The following CASZ1 variants were observed in gnomAD, a reference collection of about 807,000 sequenced individuals.
CASZ1 encodes zinc finger protein castor homolog 1.
In CASZ1, 28 loss-of-function variants were observed where a neutral mutation model predicts 135.2. The observed-to-expected ratio is 0.21, with a 90% confidence interval of 0.15 to 0.28. The LOEUF (loss-of-function observed/expected upper bound fraction) is 0.28. Among genes scored for constraint, CASZ1 ranks in the 10% least tolerant of loss-of-function variants. The pLI, the probability that CASZ1 is intolerant of heterozygous loss-of-function variation, is 1.00. For missense variants in CASZ1, 2,161 were observed against 2,453.3 expected (o/e 0.88, Z 2.52); for synonymous variants, 1,068 against 1,073.4 (o/e 0.99, Z 0.10).
chr1:10,781,913 T>C (rs1359458536), intron 1 of CASZ1, among the ~76,000 whole-genome samples: 5 of 152,152 alleles, frequency 3.3e-5, no homozygotes. Context: ...GACTAGGGAT[T>C]TGAGCCGAGG....
In CASZ1 at chr1:10,639,008, C is replaced by T; in HGVS notation, c.5214G>A (p.Pro1738=). The change falls in exon 21 of 21, where the codon CCG becomes CCA. Residue 1738 remains proline (P), a synonymous_variant. Coordinates refer to ENST00000377022, the MANE Select transcript of CASZ1 (RefSeq NM_001079843.3). This position sits in a 1 kb window ranked among gnomAD's most constrained non-coding sequence, Gnocchi z 4.0. ...CCAGGGCCGCCAGCGCCGCCAAGGC[C>T]GGGGTCCGCGCGCCCGCGCCCGCCG... The part of the protein sequence containing the change: ...AEAAGAGART[P]ALAALAALGA... The T allele has an allele frequency of 1.0e-6, 1 of 990,186 alleles. No individual in the cohort carries two copies. Among genetic ancestry groups the T allele is most frequent in the Non-Finnish European group, 1.2e-6 (1 of 833,326 alleles). 61.3% of individuals were successfully genotyped at this position (990,186 alleles called of 1,614,324 possible). A position where few individuals can be genotyped will look rare whatever the true frequency, so the allele number is the denominator to read the frequency against.
At chr1:10,642,598 C>T (rs898899227) in intron 20 of CASZ1, among the ~76,000 whole-genome samples, 1 of 152,024 alleles carries the variant, frequency 6.6e-6, no homozygotes, top group African/African-American at 2.4e-5. Context: ...GCTGGGGCTG[C>T]GCTGCTCCCG....
rs959220874 is a variant in CASZ1, at chr1:10,676,218, A to C, written c.17-10647T>G. 1.3e-5 allele frequency among the ~76,000 whole-genome samples: 2 copies of C among 152,044 alleles called. No homozygotes were observed. The highest frequency in any genetic ancestry group is 2.4e-5 in the African/African-American group (1 of 41,404). ...AACCCATGCCAACCAAGTGACAGACACCAAGGCCCTGCTGGACTGGCCCGG... is the reference window on the plus strand; with the variant it reads ...AACCCATGCCAACCAAGTGACAGACCCCAAGGCCCTGCTGGACTGGCCCGG... On this transcript the variant is annotated intron_variant, in intron 4 of 20. Transcript: ENST00000377022. The surrounding 1 kb of genome is among the most constrained non-coding windows in gnomAD (Gnocchi z 4.5).
At chr1:10,654,903 G>C (rs987469725) in intron 9 of CASZ1, among the ~76,000 whole-genome samples, 2 of 152,180 alleles carry the variant, frequency 1.3e-5, no homozygotes, top group Non-Finnish European at 2.9e-5. Flanking sequence ...GCAGGAGTTG[G>C]ATTTTGAGTT....
intron 1 of CASZ1, among the ~76,000 whole-genome samples, chr1:10,763,577 A>G (rs11121612): frequency 0.031 from 4,656 of 152,206 alleles, 224 homozygotes; most frequent in African/African-American, 0.11. Context: ...GTGGCCCCAC[A>G]CACCCCTGAC....
chr1:10,788,848 G>A lies in CASZ1; in HGVS notation c.-234+7716C>T, dbSNP rs1019659048. On this transcript the variant is annotated intron_variant, in intron 1 of 20. Coordinates refer to ENST00000377022, the MANE Select transcript of CASZ1 (RefSeq NM_001079843.3). The surrounding 1 kb of genome is among the most constrained non-coding windows in gnomAD (Gnocchi z 4.1). ...TTCCTGCCCAGCCAGCAGAGGCATC[G>A]CACAGAGGAGCCCACCAGTGGGGAC... 2.0e-5 allele frequency among the ~76,000 whole-genome samples: 3 copies of A among 152,310 alleles called. No individual in the cohort carries two copies. The highest frequency in any genetic ancestry group is 1.9e-4 in the East Asian group (1 of 5,170).
In CASZ1 at chr1:10,701,954, G is replaced by C. The variant is rs1639070601; in HGVS notation, c.-24+3538C>G. 6.6e-6 allele frequency among the ~76,000 whole-genome samples: 1 copy of C among 152,240 alleles called. No individual in the cohort carries two copies. Among genetic ancestry groups the C allele is most frequent in the Admixed American group, 6.5e-5 (1 of 15,292 alleles). ...TGGGCTGAGCCATCCTGCCTACTGA[G>C]GCTTCTCTTGGGCTTCCGGCCCCGC... On this transcript the variant is annotated intron_variant, in intron 3 of 20. Coordinates refer to ENST00000377022, the MANE Select transcript of CASZ1 (RefSeq NM_001079843.3). This position sits in a 1 kb window ranked among gnomAD's most constrained non-coding sequence, Gnocchi z 6.3.
intron 2 of CASZ1, among the ~76,000 whole-genome samples, chr1:10,729,509 C>G (rs1352912153): frequency 6.6e-6 from 1 of 152,184 alleles, no homozygotes; most frequent in Non-Finnish European, 1.5e-5. Context: ...ACCATCAGGC[C>G]AAGAACTCAG....
intron 1 of CASZ1, among the ~76,000 whole-genome samples, chr1:10,795,494 C>G (rs960952735): frequency 1.3e-5 from 2 of 152,084 alleles, no homozygotes; most frequent in East Asian, 3.9e-4. Flanking sequence ...GCAGAGCCCC[C>G]CCGGAGCGCA....
chr1:10,643,389 CTGGGCA>C, intron 18 of CASZ1, 78 bp from the exon 19 acceptor site: 1 of 1,502,072 alleles, frequency 6.7e-7, no homozygotes, highest in African/African-American at 1.4e-5. Flanking sequence ...GGGCACTGTT[CTGGGCA>C]TGGGGGCAGT....
rs1639409208 is a variant in CASZ1, at chr1:10,717,124, G to T, written c.-76-11580C>A. 6.6e-6 allele frequency among the ~76,000 whole-genome samples: 1 copy of T among 152,202 alleles called. No homozygotes were observed. The highest frequency in any genetic ancestry group is 1.5e-5 in the Non-Finnish European group (1 of 68,042). On this transcript the variant is annotated intron_variant, in intron 2 of 20. Transcript: ENST00000377022. The surrounding 1 kb of genome is among the most constrained non-coding windows in gnomAD (Gnocchi z 4.6). ...ACGGCCAGCGAGGACACTGGGGAGG[G>T]CGTGTCTCCTTAATAAGCCCTTTCT...
chr1:10,679,766 A>G lies in CASZ1; in HGVS notation c.16+14108T>C, dbSNP rs1285285303. 6.6e-6 allele frequency among the ~76,000 whole-genome samples: 1 copy of G among 152,158 alleles called. No homozygotes were observed. The highest frequency in any genetic ancestry group is 1.5e-5 in the Non-Finnish European group (1 of 68,028). On this transcript the variant is annotated intron_variant, in intron 4 of 20. Coordinates refer to ENST00000377022, the MANE Select transcript of CASZ1 (RefSeq NM_001079843.3). The surrounding 1 kb of genome is among the most constrained non-coding windows in gnomAD (Gnocchi z 4.7). ...CCATACTACAACCCCGAGTGTCACC[A>G]CAGGGTCCGGCCCAACCTGGGCTCC...
chr1:10,736,751 T>C (rs551880439), intron 2 of CASZ1, among the ~76,000 whole-genome samples: 31 of 151,918 alleles, frequency 2.0e-4, no homozygotes, highest in Admixed American at 4.6e-4. Context: ...CCTTGAGGAG[T>C]ACACGGTCTA....
At chr1:10,754,790 G>A (rs755914023) in intron 2 of CASZ1, among the ~76,000 whole-genome samples, 3 of 152,220 alleles carry the variant, frequency 2.0e-5, no homozygotes, top group Non-Finnish European at 2.9e-5. Flanking sequence ...GGATTGTTTT[G>A]ACTTGAGTCG....
Position 10,655,833 on chromosome 1 carries a change from C to A in CASZ1, c.1501-20G>T. 6.2e-7 allele frequency: 1 copy of A among 1,610,304 alleles called. No individual in the cohort carries two copies. Among genetic ancestry groups the A allele is most frequent in the Non-Finnish European group, 8.5e-7 (1 of 1,177,002 alleles). Reference sequence around the variant, plus strand: ...GAACCTCTGCCAGGAGACAGCGCCACGTGGGCAGGAGCCTGAGCTCCCCCT... The same window carrying A: ...GAACCTCTGCCAGGAGACAGCGCCAAGTGGGCAGGAGCCTGAGCTCCCCCT... On this transcript the variant is annotated intron_variant, in intron 8 of 20. Coordinates refer to ENST00000377022, the MANE Select transcript of CASZ1 (RefSeq NM_001079843.3).
In CASZ1 at chr1:10,676,492, C is replaced by T. The variant is rs751451300; in HGVS notation, c.17-10921G>A. On this transcript the variant is annotated intron_variant, in intron 4 of 20. Coordinates refer to ENST00000377022, the MANE Select transcript of CASZ1 (RefSeq NM_001079843.3). This position sits in a 1 kb window ranked among gnomAD's most constrained non-coding sequence, Gnocchi z 4.5. Reference sequence around the variant, plus strand: ...GGACAAAGAAGACACCAAGAGCCCCCGGGGAGGCCTCTCCACCATCCTCTG... The same window carrying T: ...GGACAAAGAAGACACCAAGAGCCCCTGGGGAGGCCTCTCCACCATCCTCTG... 3.1e-4 allele frequency among the ~76,000 whole-genome samples: 47 copies of T among 152,260 alleles called. No homozygotes were observed. Among genetic ancestry groups the T allele is most frequent in the Non-Finnish European group, 5.1e-4 (35 of 68,022 alleles).
chr1:10,690,646 C>A lies in CASZ1; in HGVS notation c.16+3228G>T, dbSNP rs114678942. 5.8e-3 allele frequency among the ~76,000 whole-genome samples: 885 copies of A among 152,276 alleles called. 4 individuals carry two copies. Among genetic ancestry groups the A allele is most frequent in the African/African-American group, 0.02 (815 of 41,544 alleles). On this transcript the variant is annotated intron_variant, in intron 4 of 20. Transcript: ENST00000377022. ...CTCGACGACAAGGCTGCAGCCACAGCGACACATGGGCAGCACTGTCCCTCA... is the reference window on the plus strand; with the variant it reads ...CTCGACGACAAGGCTGCAGCCACAGAGACACATGGGCAGCACTGTCCCTCA...
intron 1 of CASZ1, among the ~76,000 whole-genome samples, chr1:10,773,109 C>G (rs1314094895): frequency 6.6e-6 from 1 of 151,856 alleles, no homozygotes; most frequent in East Asian, 1.9e-4. Context: ...AACCCAGACC[C>G]AAGCCCACGA....
rs1424568175 is a variant in CASZ1 at position 10,636,650 on chromosome 1, T to G, written c.*2292A>C. Reference sequence around the variant, plus strand: ...GTGAAAATGTCAAACCTTGCATCAGTCATGCAAAAAAAAAAAAAAAAATCA... The same window carrying G: ...GTGAAAATGTCAAACCTTGCATCAGGCATGCAAAAAAAAAAAAAAAAATCA... On this transcript the variant is annotated 3_prime_UTR_variant, in exon 21 of 21. Coordinates refer to ENST00000377022, the MANE Select transcript of CASZ1 (RefSeq NM_001079843.3). 1.6e-5 allele frequency: 2 copies of G among 126,914 alleles called. No individual in the cohort carries two copies. The highest frequency in any genetic ancestry group is 3.3e-5 in the Non-Finnish European group (2 of 60,668). The allele number at this position is 126,914 out of a possible 1,614,324, so 7.9% of individuals were successfully genotyped here. A position where few individuals can be genotyped will look rare whatever the true frequency, so the allele number is the denominator to read the frequency against.
Sources: allele counts gnomAD v4.1 joint callset (sites outside exome capture counted in the v4.1 genomes callset), GRCh38; gene constraint gnomAD v4.1.1; non-coding constraint Gnocchi (gnomAD v3.1); transcripts MANE v1.5; gene names NCBI Gene and HGNC (gene_info 2026-07-23, HGNC 2026-07-21).